The following PRXL2A variants were observed in gnomAD, a reference collection of about 807,000 sequenced individuals.
PRXL2A encodes peroxiredoxin like 2A, also known as peroxiredoxin-like 2A.
PRXL2A carries 26 observed loss-of-function variants against 25.6 expected under a neutral mutation model. That is an observed-to-expected ratio of 1.02 (90% confidence interval 0.74 to 1.41). PRXL2A has a LOEUF of 1.41. Among genes scored for constraint, PRXL2A ranks in the 40% most tolerant of loss-of-function variants. The pLI, the probability that PRXL2A is intolerant of heterozygous loss-of-function variation, is 0.00. For synonymous variants in PRXL2A, 98 were observed against 102.9 expected (o/e 0.95, Z 0.29); for missense variants, 246 against 273.9 (o/e 0.90, Z 0.72).
At position 80,436,865 on chromosome 10, in the gene PRXL2A, C is replaced by A; in HGVS notation, c.*4766C>A. 1 of 152,690 alleles carries A rather than the reference C, an allele frequency of 6.5e-6. No homozygotes were observed. Among genetic ancestry groups the A allele is most frequent in the South Asian group, 2.0e-4 (1 of 5,002 alleles). The allele number at this position is 152,690 out of a possible 1,614,324, so 9.5% of individuals were successfully genotyped here. The stretch of plus-strand genomic sequence containing the variant: ...AAGATACCCATTCCAGAGAGGGTCC[C>A]ACCCCGTGCCCAGAAGGAAGGAATC... On this transcript the variant is annotated 3_prime_UTR_variant, in exon 6 of 6. Transcript: ENST00000606162.
intron 1 of PRXL2A, among the ~76,000 whole-genome samples, chr10:80,414,323 G>A (rs1844575984): frequency 6.6e-6 from 1 of 152,150 alleles, no homozygotes; most frequent in African/African-American, 2.4e-5. Context: ...GTCAGGTGGG[G>A]GCTGGCTCTT....
intron 1 of PRXL2A, chr10:80,413,871 T>C: frequency 8.0e-7 from 1 of 1,242,854 alleles, no homozygotes; most frequent in Middle Eastern, 2.2e-4. Context: ...GTGGACGCTG[T>C]GTATGGTGAG....
At chr10:80,418,324 G>GTTGC (rs1388848867) in intron 1 of PRXL2A, among the ~76,000 whole-genome samples, 4 of 152,158 alleles carry the variant, frequency 2.6e-5, no homozygotes, top group African/African-American at 9.7e-5. Flanking sequence ...CCAGCTCCAT[G>GTTGC]TTGCTGCAAA....
Position 80,434,062 on chromosome 10 carries a change from G to A in PRXL2A, c.*1963G>A, listed in dbSNP as rs1845337905. The A allele has an allele frequency of 1.3e-5, 2 of 152,564 alleles. No individual in the cohort carries two copies. The highest frequency in any genetic ancestry group is 2.1e-4 in the South Asian group (1 of 4,832). The allele number at this position is 152,564 out of a possible 1,614,324, so 9.5% of individuals were successfully genotyped here. A position where few individuals can be genotyped will look rare whatever the true frequency, so the allele number is the denominator to read the frequency against. On this transcript the variant is annotated 3_prime_UTR_variant, in exon 6 of 6. Transcript: ENST00000606162. ...GCAGGAGAATCGCTTGAACCCAGGA[G>A]GCAGAGGTTGCAGTGAGCCGAGATC...
upstream of PRXL2A, among the ~76,000 whole-genome samples, chr10:80,408,267 G>T (rs964583608): frequency 6.6e-6 from 1 of 152,148 alleles, no homozygotes. Context: ...GTGCTTCCAG[G>T]CTCCATTAGG....
intron 1 of PRXL2A, among the ~76,000 whole-genome samples, chr10:80,417,215 G>A (rs566609294): frequency 6.6e-6 from 1 of 152,344 alleles, no homozygotes; most frequent in African/African-American, 2.4e-5. Context: ...ACGGTACCAG[G>A]TGCAAGGCTC....
upstream of PRXL2A, among the ~76,000 whole-genome samples, chr10:80,408,313 C>T (rs930554460): frequency 2.6e-5 from 4 of 152,232 alleles, no homozygotes; most frequent in African/African-American, 9.6e-5. Context: ...AGGCAGCGCC[C>T]TGAAGAACGC....
chr10:80,415,735 GAAAT>G (rs554412443), intron 1 of PRXL2A, among the ~76,000 whole-genome samples: 22 of 152,312 alleles, frequency 1.4e-4, no homozygotes, highest in Admixed American at 1.4e-3. Flanking sequence ...TAAATGTTTG[GAAAT>G]AAATGTTGAG....
In PRXL2A at chr10:80,425,865, G is replaced by C. The variant is rs770751653; in HGVS notation, c.271-1G>C. The C allele has an allele frequency of 1.1e-5, 18 of 1,614,222 alleles. No homozygotes were observed. Among genetic ancestry groups the C allele is most frequent in the Non-Finnish European group, 1.5e-5 (18 of 1,180,042 alleles). On this transcript the variant is annotated splice_acceptor_variant, in intron 3 of 5. Coordinates refer to ENST00000606162, the MANE Select transcript of PRXL2A (RefSeq NM_032333.5). LOFTEE classifies it high-confidence loss of function. ...TCCCTGAACCCTTGTGTCTTCTACAGGAAGCTGCGGATCTGTCCTCCCTGA... is the reference window on the plus strand; with the variant it reads ...TCCCTGAACCCTTGTGTCTTCTACACGAAGCTGCGGATCTGTCCTCCCTGA...
At chr10:80,427,619 A>G (rs1845095143) in intron 5 of PRXL2A, 123 bp downstream of exon 5, 1 of 910,228 alleles carries the variant, frequency 1.1e-6, no homozygotes, top group Non-Finnish European at 1.7e-6. Flanking sequence ...TCCTTCTAGC[A>G]AGCCAGGGAA....
chr10:80,413,016 G>A (rs1289891688), intron 1 of PRXL2A, among the ~76,000 whole-genome samples: 3 of 152,178 alleles, frequency 2.0e-5, no homozygotes, highest in Admixed American at 2.0e-4. Context: ...GGCAGCAGCA[G>A]TGAGGTCGAG....
chr10:80,433,663 TG>T lies in PRXL2A; in HGVS notation c.*1567del, dbSNP rs1246706758. 3 of 152,272 alleles carry T rather than the reference TG, an allele frequency of 2.0e-5. No individual in the cohort carries two copies. Among genetic ancestry groups the T allele is most frequent in the Non-Finnish European group, 4.4e-5 (3 of 68,088 alleles). The allele number at this position is 152,272 out of a possible 1,614,324, so 9.4% of individuals were successfully genotyped here. The stretch of plus-strand genomic sequence containing the variant: ...TAGCAGTGGTTGCATGGGGTATGCA[TG>T]GGCCCTTAAAGGGCTGGGCTTCTGC... On this transcript the variant is annotated 3_prime_UTR_variant, in exon 6 of 6. Transcript: ENST00000606162.
Position 80,427,432 on chromosome 10 carries a change from C to T in PRXL2A, c.512C>T (p.Ser171Phe), listed in dbSNP as rs370815830. The T allele has an allele frequency of 7.4e-6, 12 of 1,614,102 alleles. No homozygotes were observed. The highest frequency in any genetic ancestry group is 1.6e-4 in the Middle Eastern group (1 of 6,062). Reference sequence around the variant, plus strand: ...TTCCGAGCCTGGAACGGAGGCTTCTCTGGAAACCTGGAAGGAGAAGGCTTC... The same window carrying T: ...TTCCGAGCCTGGAACGGAGGCTTCTTTGGAAACCTGGAAGGAGAAGGCTTC... ...NFFRAWNGGF[S>F]GNLEGEGFIL... Residue 171 changes from serine (S) to phenylalanine (F), a missense_variant, in exon 5 of 6, where the codon TCT (serine) becomes TTT (phenylalanine). Physicochemically the swap from Ser to Phe is radical, Grantham distance 155. Coordinates refer to ENST00000606162, the MANE Select transcript of PRXL2A (RefSeq NM_032333.5).
rs1298428943 is a variant in PRXL2A, at chr10:80,433,102, C to G, written c.*1003C>G. The G allele has an allele frequency of 2.6e-5, 4 of 152,076 alleles. No homozygotes were observed. The highest frequency in any genetic ancestry group is 2.0e-4 in the Admixed American group (3 of 15,252). The allele number at this position is 152,076 out of a possible 1,614,324, so 9.4% of individuals were successfully genotyped here. On this transcript the variant is annotated 3_prime_UTR_variant, in exon 6 of 6. Transcript: ENST00000606162. Reference sequence around the variant, plus strand: ...TCTCCATGGCTGAGGGGTAAAGTGCCTCGGGGGATTCCTCTGGTTCTAGCT... The same window carrying G: ...TCTCCATGGCTGAGGGGTAAAGTGCGTCGGGGGATTCCTCTGGTTCTAGCT...
At chr10:80,412,913 A>G (rs1844521781) in intron 1 of PRXL2A, among the ~76,000 whole-genome samples, 2 of 152,182 alleles carry the variant, frequency 1.3e-5, no homozygotes, top group African/African-American at 4.8e-5. Context: ...CGGCTTGGAA[A>G]ATAAACTATA....
chr10:80,412,262 G>A (rs1332106706), intron 1 of PRXL2A, among the ~76,000 whole-genome samples: 1 of 152,172 alleles, frequency 6.6e-6, no homozygotes, highest in African/African-American at 2.4e-5. Context: ...CTGCTAGTGA[G>A]CAGTAGAGCG....
rs903052453 is a variant in PRXL2A, at chr10:80,436,838, G to T, written c.*4739G>T. The T allele has an allele frequency of 6.6e-6, 1 of 152,182 alleles. No homozygotes were observed. Among genetic ancestry groups the T allele is most frequent in the Non-Finnish European group, 1.5e-5 (1 of 68,054 alleles). The allele number at this position is 152,182 out of a possible 1,614,324, so 9.4% of individuals were successfully genotyped here. On this transcript the variant is annotated 3_prime_UTR_variant, in exon 6 of 6. Transcript: ENST00000606162. ...ATCTGACCTACCGTGTTTGACTGTC[G>T]TAAGATACCCATTCCAGAGAGGGTC...
intron 3 of PRXL2A, among the ~76,000 whole-genome samples, chr10:80,424,682 A>G (rs76152102): frequency 0.077 from 11,645 of 152,008 alleles, 1,102 homozygotes; most frequent in African/African-American, 0.22. Flanking sequence ...CCTGGCCAAC[A>G]TGGCCCATCT....
chr10:80,431,098 G>A (rs1245789697), intron 5 of PRXL2A, among the ~76,000 whole-genome samples: 6 of 151,940 alleles, frequency 3.9e-5, no homozygotes, highest in Non-Finnish European at 5.9e-5. Flanking sequence ...GAGTTTCACC[G>A]TGTTGGCCAG....
Sources: allele counts gnomAD v4.1 joint callset (sites outside exome capture counted in the v4.1 genomes callset), GRCh38; gene constraint gnomAD v4.1.1; transcripts MANE v1.5; gene names NCBI Gene and HGNC (gene_info 2026-07-23, HGNC 2026-07-21).